Variants in PARD3 observed in about 807,000 individuals in gnomAD.
PARD3 encodes the protein par-3 family cell polarity regulator, also known as partitioning defective 3 homolog.
In PARD3, 75 loss-of-function variants were observed where a neutral mutation model predicts 155.4. That is an observed-to-expected ratio of 0.48 (90% confidence interval 0.40 to 0.58). The LOEUF (loss-of-function observed/expected upper bound fraction) is 0.58, where lower values mean the gene tolerates loss of function less well. Among genes scored for constraint, PARD3 ranks in the 20% least tolerant of loss-of-function variants. The pLI, the probability that PARD3 is intolerant of heterozygous loss-of-function variation, is 0.00. For synonymous variants in PARD3, 576 were observed against 610.5 expected (o/e 0.94, Z 0.83); for missense variants, 1,642 against 1,721.7 (o/e 0.95, Z 0.82).
chr10:34,787,336 G>A (rs766075174), intron 1 of PARD3, among the ~76,000 whole-genome samples: 3 of 152,154 alleles, frequency 2.0e-5, no homozygotes, highest in Non-Finnish European at 2.9e-5. Flanking sequence ...CCAAGATCGC[G>A]CCACTGCACT....
intron 2 of PARD3, among the ~76,000 whole-genome samples, chr10:34,525,366 G>A (rs2082402811): frequency 6.6e-6 from 1 of 152,210 alleles, no homozygotes; most frequent in African/African-American, 2.4e-5. Context: ...TGTTCCTACT[G>A]GCTAAGCCAA....
At chr10:34,160,421 AT>A in intron 22 of PARD3, among the ~76,000 whole-genome samples, 1 of 152,328 alleles carries the variant, frequency 6.6e-6, no homozygotes, top group Middle Eastern at 3.4e-3. Context: ...GCTTTGTACA[AT>A]CAGTAGGCAC....
At chr10:34,701,333 A>ATGATGTTGTTGTTGTTGT (rs1554815382) in intron 1 of PARD3, among the ~76,000 whole-genome samples, 189 of 149,968 alleles carry the variant, frequency 1.3e-3, no homozygotes, top group Middle Eastern at 6.8e-3. Context: ...ACACGCGGGG[A>ATGATGTTGTTGTTGTTGT]TGTTGTTGTT....
intron 2 of PARD3, among the ~76,000 whole-genome samples, chr10:34,607,197 G>A (rs1459397808): frequency 6.6e-6 from 1 of 152,022 alleles, no homozygotes; most frequent in Non-Finnish European, 1.5e-5. Flanking sequence ...CACCCACAAA[G>A]TCATTACTCA....
At chr10:34,590,924 C>T (rs1181911604) in intron 2 of PARD3, among the ~76,000 whole-genome samples, 2 of 152,158 alleles carry the variant, frequency 1.3e-5, no homozygotes, top group African/African-American at 4.8e-5. Flanking sequence ...CTTACTATGG[C>T]CATTTATTAA....
intron 20 of PARD3, among the ~76,000 whole-genome samples, chr10:34,306,647 C>T (rs947602709): frequency 2.0e-5 from 3 of 151,692 alleles, no homozygotes; most frequent in African/African-American, 7.3e-5. Context: ...AAAACTCCAT[C>T]TCAAAATAAT....
At chr10:34,294,518 C>G (rs547329013) in intron 20 of PARD3, among the ~76,000 whole-genome samples, 1 of 152,118 alleles carries the variant, frequency 6.6e-6, no homozygotes, top group Non-Finnish European at 1.5e-5. Flanking sequence ...TTAAGGTGAC[C>G]GTCAGCACTT....
chr10:34,285,143 G>T (rs537842775), intron 20 of PARD3, among the ~76,000 whole-genome samples: 2 of 152,146 alleles, frequency 1.3e-5, no homozygotes, highest in African/African-American at 4.8e-5. Flanking sequence ...CTGGTCACCA[G>T]ATGTTTCAAA....
At chr10:34,599,568 G>C (rs1419888871) in intron 2 of PARD3, among the ~76,000 whole-genome samples, 1 of 152,132 alleles carries the variant, frequency 6.6e-6, no homozygotes, top group Non-Finnish European at 1.5e-5. Flanking sequence ...AATGAACCAA[G>C]TCTACATAAA....
intron 20 of PARD3, among the ~76,000 whole-genome samples, chr10:34,299,968 T>G (rs940580458): frequency 2.0e-5 from 3 of 152,250 alleles, no homozygotes; most frequent in African/African-American, 7.2e-5. Context: ...GTCTACACTT[T>G]CCTGGGAAAT....
intron 1 of PARD3, among the ~76,000 whole-genome samples, chr10:34,756,176 C>T (rs1231585662): frequency 1.2e-5 from 1 of 81,610 alleles, no homozygotes; most frequent in African/African-American, 4.7e-5. Context: ...TTTTTTGAGA[C>T]GGAGTCTTAC....
chr10:34,771,109 A>T (rs1838805839), intron 1 of PARD3, among the ~76,000 whole-genome samples: 1 of 152,256 alleles, frequency 6.6e-6, no homozygotes, highest in Non-Finnish European at 1.5e-5. Flanking sequence ...ACTTGAAAAC[A>T]TGCAAGCCCT....
intron 22 of PARD3, among the ~76,000 whole-genome samples, chr10:34,153,792 G>C (rs1469484809): frequency 1.3e-5 from 2 of 152,018 alleles, no homozygotes; most frequent in Non-Finnish European, 1.5e-5. Flanking sequence ...CATAAATAAG[G>C]CTTTTAGTGT....
At chr10:34,713,653 C>T (rs1210493216) in intron 1 of PARD3, among the ~76,000 whole-genome samples, 1 of 152,126 alleles carries the variant, frequency 6.6e-6, no homozygotes, top group Non-Finnish European at 1.5e-5. Context: ...GTAGTCCCAG[C>T]TGCTCAGGAG....
intron 2 of PARD3, among the ~76,000 whole-genome samples, chr10:34,674,935 T>G (rs1249442904): frequency 1.3e-5 from 2 of 152,198 alleles, no homozygotes; most frequent in African/African-American, 4.8e-5. Flanking sequence ...CAACACACCT[T>G]ACTATGTTGT....
chr10:34,279,275 G>A (rs1224336860), intron 21 of PARD3, among the ~76,000 whole-genome samples: 1 of 150,540 alleles, frequency 6.6e-6, no homozygotes, highest in African/African-American at 2.5e-5. Context: ...AAAGTGTTAG[G>A]ATTACAAAGT....
rs1836306672 is a variant in PARD3, at chr10:34,337,434, G to A, written c.2409-8C>T. ...ACATCTGGACTCAAAGAGCTGGAGTGAAGAAAAAATAAAAATAAAAATATT... is the reference window on the plus strand; with the variant it reads ...ACATCTGGACTCAAAGAGCTGGAGTAAAGAAAAAATAAAAATAAAAATATT... On this transcript the variant is annotated splice_polypyrimidine_tract_variant and splice_region_variant and intron_variant, in intron 16 of 24. Transcript: ENST00000374788. 6.6e-7 allele frequency: 1 copy of A among 1,524,598 alleles called. No homozygotes were observed. Among genetic ancestry groups the A allele is most frequent in the Non-Finnish European group, 8.8e-7 (1 of 1,141,530 alleles). 94.4% of individuals were successfully genotyped at this position (1,524,598 alleles called of 1,614,324 possible). A position where few individuals can be genotyped will look rare whatever the true frequency, so the allele number is the denominator to read the frequency against.
chr10:34,184,826 C>T (rs1950417080), intron 22 of PARD3, among the ~76,000 whole-genome samples: 1 of 151,886 alleles, frequency 6.6e-6, no homozygotes, highest in South Asian at 2.1e-4. Context: ...CTTCACATCT[C>T]ACTTTCTCAT....
chr10:34,154,363 A>G (rs1948902662), intron 22 of PARD3, among the ~76,000 whole-genome samples: 1 of 152,172 alleles, frequency 6.6e-6, no homozygotes, highest in South Asian at 2.1e-4. Flanking sequence ...CATGAGTTTG[A>G]ATGAAAAGAA....
Sources: allele counts gnomAD v4.1 joint callset (sites outside exome capture counted in the v4.1 genomes callset), GRCh38; gene constraint gnomAD v4.1.1; transcripts MANE v1.5; gene names NCBI Gene and HGNC (gene_info 2026-07-23, HGNC 2026-07-21).